The following ZNF652 variants were observed in gnomAD, a reference collection of about 807,000 sequenced individuals.
The protein encoded by ZNF652 is zinc finger protein 652.
In ZNF652, 16 loss-of-function variants were observed where a neutral mutation model predicts 45.2. The observed-to-expected ratio is 0.35, with a 90% CI of 0.24 to 0.54. The LOEUF (loss-of-function observed/expected upper bound fraction) is 0.54, where lower values mean the gene tolerates loss of function less well. Among genes scored for constraint, ZNF652 ranks in the 20% least tolerant of loss-of-function variants. The pLI is 0.91. For synonymous variants in ZNF652, 250 were observed against 260.6 expected (o/e 0.96, Z 0.39); for missense variants, 614 against 765.6 (o/e 0.80, Z 2.34).
chr17:49,326,450 G>A (rs2069957719), intron 1 of ZNF652, among the ~76,000 whole-genome samples: 2 of 152,232 alleles, frequency 1.3e-5, no homozygotes, highest in South Asian at 4.1e-4. Context: ...CAGAAAGTAG[G>A]CTAGGAAAGG....
chr17:49,307,632 A>G (rs1299187289), intron 5 of ZNF652, among the ~76,000 whole-genome samples: 1 of 151,384 alleles, frequency 6.6e-6, no homozygotes, highest in African/African-American at 2.4e-5. Flanking sequence ...TGAGCCTGTA[A>G]TCCCAGCTAC....
intron 1 of ZNF652, among the ~76,000 whole-genome samples, chr17:49,354,190 TTATTA>T (rs1222651525): frequency 1.3e-5 from 2 of 152,052 alleles, no homozygotes; most frequent in African/African-American, 2.4e-5. Flanking sequence ...CAATAGTTTC[TTATTA>T]TATTATATAA....
Position 49,289,304 on chromosome 17 carries a change from G to A in ZNF652, c.*9109C>T, listed in dbSNP as rs960181372. 4.6e-5 allele frequency: 7 copies of A among 151,318 alleles called. No individual in the cohort carries two copies. The highest frequency in any genetic ancestry group is 4.2e-4 in the South Asian group (2 of 4,798). 9.4% of individuals were successfully genotyped at this position (151,318 alleles called of 1,614,324 possible). On this transcript the variant is annotated 3_prime_UTR_variant, in exon 6 of 6. Coordinates refer to ENST00000430262, the MANE Select transcript of ZNF652 (RefSeq NM_001145365.3). ...CAGCATCTCAGAAAAATCATTAGGC[G>A]GCACACCTGTACCAGAGTCTCACAA...
intron 5 of ZNF652, among the ~76,000 whole-genome samples, chr17:49,306,491 C>T (rs931451224): frequency 6.6e-6 from 1 of 152,078 alleles, no homozygotes. Flanking sequence ...GATGGTGTCT[C>T]GCTATATTGC....
rs375625953 is a variant in ZNF652 at position 49,332,357 on chromosome 17, C to T, written c.-258-14374G>A. On this transcript the variant is annotated intron_variant, in intron 1 of 5. Coordinates refer to ENST00000430262, the MANE Select transcript of ZNF652 (RefSeq NM_001145365.3). ...AGTCTAAAACAAAAATATTTGAAAC[C>T]AGGTAGGAAGTTTTAACCCAAACAT... Among the ~76,000 whole-genome samples the T allele has an allele frequency of 2.4e-4, 36 of 152,214 alleles. No homozygotes were observed. In the East Asian group the frequency reaches 6.2e-3, roughly 26 times the overall value.
At chr17:49,307,521 C>T (rs1279605461) in intron 5 of ZNF652, among the ~76,000 whole-genome samples, 1 of 141,008 alleles carries the variant, frequency 7.1e-6, no homozygotes, top group Admixed American at 7.3e-5. Flanking sequence ...GCGGGCAGAT[C>T]ATGAGGTCAG....
chr17:49,354,828 C>A (rs1427330402), intron 1 of ZNF652, among the ~76,000 whole-genome samples: 1 of 151,922 alleles, frequency 6.6e-6, no homozygotes, highest in Non-Finnish European at 1.5e-5. Flanking sequence ...CAGGTTCAAG[C>A]GATTCTCATG....
intron 2 of ZNF652, among the ~76,000 whole-genome samples, chr17:49,316,350 C>T (rs536029168): frequency 6.6e-5 from 10 of 152,192 alleles, no homozygotes; most frequent in Non-Finnish European, 1.3e-4. Context: ...TAAAAGCAAA[C>T]TCACTGCTGA....
At chr17:49,315,042 G>GCT (rs1325779135) in intron 2 of ZNF652, among the ~76,000 whole-genome samples, 1 of 134,218 alleles carries the variant, frequency 7.5e-6, no homozygotes, top group Non-Finnish European at 1.6e-5. Flanking sequence ...GTTTTAGTTT[G>GCT]TTTTTTTTTT....
rs1567905429 is a variant in ZNF652, at chr17:49,289,306, CA to C, written c.*9106del. 1 of 151,626 alleles carries C rather than the reference CA, an allele frequency of 6.6e-6. No homozygotes were observed. Among genetic ancestry groups the C allele is most frequent in the Admixed American group, 6.6e-5 (1 of 15,220 alleles). The allele number at this position is 151,626 out of a possible 1,614,324, so 9.4% of individuals were successfully genotyped here. A position where few individuals can be genotyped will look rare whatever the true frequency, so the allele number is the denominator to read the frequency against. ...GCATCTCAGAAAAATCATTAGGCGG[CA>C]CACCTGTACCAGAGTCTCACAAGAA... On this transcript the variant is annotated 3_prime_UTR_variant, in exon 6 of 6. Coordinates refer to ENST00000430262, the MANE Select transcript of ZNF652 (RefSeq NM_001145365.3).
Position 49,293,125 on chromosome 17 carries a change from TTGAG to T in ZNF652, c.*5284_*5287del. On this transcript the variant is annotated 3_prime_UTR_variant, in exon 6 of 6. Coordinates refer to ENST00000430262, the MANE Select transcript of ZNF652 (RefSeq NM_001145365.3). ...GGAACCTGTGACCATACATATATTA[TTGAG>T]TAATACATAGAGTAACAAAGCAGAA... Among the ~76,000 whole-genome samples, 1 of 152,294 alleles carries T rather than the reference TTGAG, an allele frequency of 6.6e-6. No individual in the cohort carries two copies. Among genetic ancestry groups the T allele is most frequent in the Admixed American group, 6.5e-5 (1 of 15,280 alleles).
In ZNF652 at chr17:49,346,658, G is replaced by GAT. The variant is rs1182702974; in HGVS notation, c.-259+15249_-259+15250dup. Among the ~76,000 whole-genome samples, 5 of 152,100 alleles carry GAT rather than the reference G, an allele frequency of 3.3e-5. No individual in the cohort carries two copies. The South Asian group carries it at 6.2e-4, about 19-fold the overall frequency. On this transcript the variant is annotated intron_variant, in intron 1 of 5. Transcript: ENST00000430262. ...TTATTTTAGACATTCTTCTCATTTT[G>GAT]ATATATATATGTTATATAATGAAAG...
At position 49,289,369 on chromosome 17, in the gene ZNF652, C is replaced by T. The variant is rs2069374682; in HGVS notation, c.*9044G>A. 1 of 151,892 alleles carries T rather than the reference C, an allele frequency of 6.6e-6. No homozygotes were observed. The highest frequency in any genetic ancestry group is 2.4e-5 in the African/African-American group (1 of 41,376). 9.4% of individuals were successfully genotyped at this position (151,892 alleles called of 1,614,324 possible). On this transcript the variant is annotated 3_prime_UTR_variant, in exon 6 of 6. Coordinates refer to ENST00000430262, the MANE Select transcript of ZNF652 (RefSeq NM_001145365.3). ...ATGCTACATTGAGTGGTTAAAAATA[C>T]ACAAAAAAGTAGTTTTAACAATCTA...
intron 1 of ZNF652, among the ~76,000 whole-genome samples, chr17:49,352,605 T>C (rs2070293899): frequency 6.6e-6 from 1 of 152,208 alleles, no homozygotes; most frequent in South Asian, 2.1e-4. Context: ...AGATACATAC[T>C]ATATGACCTA....
In ZNF652 at chr17:49,297,168, T is replaced by C. The variant is rs2069487611; in HGVS notation, c.*1245A>G. The C allele has an allele frequency of 2.0e-5, 3 of 152,308 alleles. No homozygotes were observed. Among genetic ancestry groups the C allele is most frequent in the African/African-American group, 7.2e-5 (3 of 41,476 alleles). 9.4% of individuals were successfully genotyped at this position (152,308 alleles called of 1,614,324 possible). A position where few individuals can be genotyped will look rare whatever the true frequency, so the allele number is the denominator to read the frequency against. ...CAATTTGTCTTCTCATCTGAATTTCTCAGCCACTATCAGCAATGTCATGTT... is the reference window on the plus strand; with the variant it reads ...CAATTTGTCTTCTCATCTGAATTTCCCAGCCACTATCAGCAATGTCATGTT... On this transcript the variant is annotated 3_prime_UTR_variant, in exon 6 of 6. Transcript: ENST00000430262.
chr17:49,346,349 G>A (rs4794044), intron 1 of ZNF652, among the ~76,000 whole-genome samples: 45,168 of 152,180 alleles, frequency 0.3, 6,884 homozygotes, highest in South Asian at 0.39. Flanking sequence ...TCAGGACCTC[G>A]AGACCAACCT....
In ZNF652 at chr17:49,334,536, C is replaced by T. The variant is rs146103030; in HGVS notation, c.-258-16553G>A. Among the ~76,000 whole-genome samples, 728 of 152,098 alleles carry T rather than the reference C, an allele frequency of 4.8e-3. 7 individuals carry two copies. The highest frequency in any genetic ancestry group is 0.017 in the African/African-American group (703 of 41,484). ...ACTTAGGCCTGTAATCCCAGAACTA[C>T]GGGAGGCTAAGGCAGGTGAATTGCT... On this transcript the variant is annotated intron_variant, in intron 1 of 5. Transcript: ENST00000430262.
intron 3 of ZNF652, 138 bp downstream of exon 3, chr17:49,312,560 C>A (rs1333196817): frequency 2.1e-5 from 18 of 870,376 alleles, no homozygotes; most frequent in Non-Finnish European, 2.9e-5. Context: ...GTGATACTTA[C>A]TGAAGACATA....
chr17:49,322,270 C>T (rs2069902875), intron 1 of ZNF652: 1 of 152,150 alleles, frequency 6.6e-6, no homozygotes, highest in Non-Finnish European at 1.5e-5. Flanking sequence ...ACAAGATTTT[C>T]CCAAGTTTAA....
Sources: allele counts gnomAD v4.1 joint callset (sites outside exome capture counted in the v4.1 genomes callset), GRCh38; gene constraint gnomAD v4.1.1; transcripts MANE v1.5; gene names NCBI Gene and HGNC (gene_info 2026-07-23, HGNC 2026-07-21).